The following ERICH6 variants were observed in gnomAD, a reference collection of about 807,000 sequenced individuals.
ERICH6 encodes glutamate-rich protein 6.
A neutral mutation model predicts 71.0 loss-of-function variants in ERICH6; 71 were observed. That is an observed-to-expected ratio of 1.00 (90% CI 0.83 to 1.22). The LOEUF (loss-of-function observed/expected upper bound fraction) is 1.22, where lower values mean the gene tolerates loss of function less well. Among genes scored for constraint, ERICH6 ranks in the 50% most tolerant of loss-of-function variants. The pLI is 0.00. For missense variants in ERICH6, 808 were observed against 797.2 expected (o/e 1.01, Z -0.16); for synonymous variants, 262 against 278.4 (o/e 0.94, Z 0.59).
intron 3 of ERICH6, among the ~76,000 whole-genome samples, chr3:150,696,991 A>G (rs189291148): frequency 3.3e-4 from 51 of 152,298 alleles, no homozygotes; most frequent in African/African-American, 1.2e-3. Flanking sequence ...AATATCTAGG[A>G]ACAATTTTAT....
intron 13 of ERICH6, among the ~76,000 whole-genome samples, chr3:150,665,827 CAA>C (rs530457228): frequency 0.044 from 3,079 of 69,896 alleles, 56 homozygotes; most frequent in African/African-American, 0.12. Flanking sequence ...GGCTCCATCT[CAA>C]AAAAAAAAAA....
intron 6 of ERICH6, among the ~76,000 whole-genome samples, chr3:150,684,345 T>A (rs777203375): frequency 6.6e-6 from 1 of 152,212 alleles, no homozygotes; most frequent in Non-Finnish European, 1.5e-5. Context: ...CATGATATAC[T>A]TAATGTTTCC....
At chr3:150,666,747 T>A in intron 13 of ERICH6, 40 bp downstream of exon 13, 1 of 1,552,262 alleles carries the variant, frequency 6.4e-7, no homozygotes, top group South Asian at 1.2e-5. Flanking sequence ...CTCTTATTAT[T>A]ATTCTAAATG....
intron 12 of ERICH6, 121 bp from the exon 13 acceptor site, chr3:150,667,136 T>C (rs1727453845): frequency 1.2e-6 from 1 of 863,624 alleles, no homozygotes; most frequent in Admixed American, 2.4e-5. Flanking sequence ...GCAGGAGTGG[T>C]GGAAACTTCA....
chr3:150,669,163 T>G (rs1327348073), intron 12 of ERICH6, 133 bp downstream of exon 12: 2 of 962,546 alleles, frequency 2.1e-6, no homozygotes, highest in African/African-American at 3.3e-5. Context: ...TGTCTCTGAG[T>G]TGAACATTAC....
intron 13 of ERICH6, 62 bp from the exon 14 acceptor site, chr3:150,660,217 A>C: frequency 6.4e-7 from 1 of 1,567,560 alleles, no homozygotes; most frequent in Middle Eastern, 1.7e-4. Flanking sequence ...GGGAGGTGGG[A>C]GGAGCTGAGT....
intron 10 of ERICH6, among the ~76,000 whole-genome samples, chr3:150,677,614 GC>G (rs960963157): frequency 5.9e-5 from 9 of 151,662 alleles, no homozygotes; most frequent in Non-Finnish European, 1.0e-4. Flanking sequence ...TCCTGCCTCA[GC>G]CCCCCCAAGT....
chr3:150,683,378 C>A (rs548470315), intron 6 of ERICH6, among the ~76,000 whole-genome samples: 2 of 152,278 alleles, frequency 1.3e-5, no homozygotes, highest in Admixed American at 6.5e-5. Context: ...CCATTCACAA[C>A]CTGCTCCATA....
At chr3:150,681,013 G>A in intron 7 of ERICH6, 83 bp from the exon 8 acceptor site, 3 of 1,395,048 alleles carry the variant, frequency 2.2e-6, no homozygotes, top group South Asian at 3.4e-5. Flanking sequence ...ACAAGGTTTG[G>A]ATAACAATCC....
rs368823691 is a variant in ERICH6, at chr3:150,680,476, G to A, written c.1103C>T (p.Ser368Phe). 1.9e-5 allele frequency: 30 copies of A among 1,614,148 alleles called. No homozygotes were observed. The highest frequency in any genetic ancestry group is 2.5e-5 in the Non-Finnish European group (30 of 1,179,986). The change falls in exon 9 of 14, where the codon TCT (serine) becomes TTT (phenylalanine). Residue 368 changes from serine (S) to phenylalanine (F), a missense_variant. Ser to Phe is a radical substitution (Grantham distance 155). Around this residue, in one of 3 missense-constraint regions of ERICH6, gnomAD observed 736 missense variants for 712.2 expected, o/e 1.03. Transcript: ENST00000295910. The stretch of plus-strand genomic sequence containing the variant: ...AGCACTAATGAACTCACCATCTTCA[G>A]AGAAATGAGTCTGTTCCCTTGATAT... ...AIISREQTHFSEDDSKRLKTI... is the reference protein window; with the variant it reads ...AIISREQTHFFEDDSKRLKTI...
At chr3:150,694,713 T>C (rs1290657166) in intron 3 of ERICH6, among the ~76,000 whole-genome samples, 5 of 152,220 alleles carry the variant, frequency 3.3e-5, no homozygotes, top group African/African-American at 7.2e-5. Flanking sequence ...TGCTTAACCA[T>C]GGCAAAACAA....
intron 3 of ERICH6, among the ~76,000 whole-genome samples, chr3:150,689,195 C>T (rs1308618100): frequency 6.6e-6 from 1 of 151,682 alleles, no homozygotes; most frequent in Non-Finnish European, 1.5e-5. Context: ...TGTACAACTT[C>T]TCTTTTTTTG....
At chr3:150,661,001 T>A (rs1402902685) in intron 13 of ERICH6, among the ~76,000 whole-genome samples, 6 of 152,132 alleles carry the variant, frequency 3.9e-5, no homozygotes, top group South Asian at 2.1e-4. Context: ...ACCCCAAATA[T>A]CACACCATGA....
chr3:150,702,053 A>C, intron 2 of ERICH6, 68 bp downstream of exon 2: 3 of 1,112,324 alleles, frequency 2.7e-6, no homozygotes, highest in Non-Finnish European at 3.9e-6. Context: ...TCTACTTCCT[A>C]ACATGTTTAT....
At chr3:150,663,781 GT>G (rs1363747481) in intron 13 of ERICH6, among the ~76,000 whole-genome samples, 5 of 151,900 alleles carry the variant, frequency 3.3e-5, no homozygotes, top group Middle Eastern at 6.9e-3. Flanking sequence ...CCTGGCCTGT[GT>G]TTTTTTTCAT....
At chr3:150,686,223 G>C in intron 4 of ERICH6, 75 bp downstream of exon 4, 1 of 1,521,546 alleles carries the variant, frequency 6.6e-7, no homozygotes, top group Non-Finnish European at 9.1e-7. Context: ...GATGGGCTCT[G>C]TGCGAGTTAA....
chr3:150,702,112 T>C lies in ERICH6; in HGVS notation c.461+9A>G. ...TCAAAAAATGTGAAATTTGAAAACA[T>C]TTTCTTACCTATCTATACTCATTTC... On this transcript the variant is annotated intron_variant, in intron 2 of 13. Coordinates refer to ENST00000295910, the MANE Select transcript of ERICH6 (RefSeq NM_152394.5). 6.5e-7 allele frequency: 1 copy of C among 1,536,352 alleles called. No individual in the cohort carries two copies. The highest frequency in any genetic ancestry group is 1.4e-5 in the African/African-American group (1 of 72,870).
intron 13 of ERICH6, among the ~76,000 whole-genome samples, chr3:150,663,767 C>G (rs1352209324): frequency 6.6e-6 from 1 of 152,030 alleles, no homozygotes; most frequent in African/African-American, 2.4e-5. Context: ...CATAAGCCAC[C>G]GCGCCTGGCC....
At chr3:150,692,830 T>C (rs1023084170) in intron 3 of ERICH6, among the ~76,000 whole-genome samples, 3 of 152,126 alleles carry the variant, frequency 2.0e-5, no homozygotes, top group Non-Finnish European at 4.4e-5. Flanking sequence ...AAGGTGGATT[T>C]ATAATCAGTT....
Sources: allele counts gnomAD v4.1 joint callset (sites outside exome capture counted in the v4.1 genomes callset), GRCh38; gene constraint gnomAD v4.1.1; regional missense constraint gnomAD v4.1.1; transcripts MANE v1.5; gene names NCBI Gene and HGNC (gene_info 2026-07-23, HGNC 2026-07-21).